The following TMEM260 variants were observed in gnomAD, a reference collection of about 807,000 sequenced individuals.
The protein encoded by TMEM260 is protein O-mannosyl-transferase TMEM260.
A neutral mutation model predicts 88.9 loss-of-function variants in TMEM260; 82 were observed. The observed-to-expected ratio is 0.92, with a 90% CI of 0.77 to 1.11. The LOEUF (loss-of-function observed/expected upper bound fraction) is 1.11. TMEM260 is among the 50% of genes least tolerant of loss of function. The probability of loss-of-function intolerance (pLI) is 0.00; values close to 1 mark genes in which losing one functional copy is unlikely to be tolerated. For synonymous variants in TMEM260, 314 were observed against 309.3 expected (o/e 1.02, Z -0.16); for missense variants, 902 against 853.4 (o/e 1.06, Z -0.71).
intron 5 of TMEM260, among the ~76,000 whole-genome samples, 162 bp downstream of exon 5, chr14:56,605,845 C>T (rs568262674): frequency 6.6e-6 from 1 of 152,192 alleles, no homozygotes; most frequent in African/African-American, 2.4e-5. Context: ...ATAGGATTTA[C>T]AAAAATTATG....
intron 15 of TMEM260, among the ~76,000 whole-genome samples, chr14:56,641,216 G>C (rs1270181281): frequency 6.7e-6 from 1 of 149,308 alleles, no homozygotes; most frequent in Non-Finnish European, 1.5e-5. Flanking sequence ...ATGATTGTCA[G>C]ATTCACCAAA....
chr14:56,634,838 G>A lies in TMEM260; in HGVS notation c.1725-61G>A, dbSNP rs1888905884. The A allele has an allele frequency of 4.0e-5, 56 of 1,416,820 alleles. 2 individuals are homozygous for A. In the South Asian group the frequency reaches 6.4e-4, roughly 16 times the overall value. 87.8% of individuals were successfully genotyped at this position (1,416,820 alleles called of 1,614,324 possible). A position where few individuals can be genotyped will look rare whatever the true frequency, so the allele number is the denominator to read the frequency against. On this transcript the variant is annotated intron_variant, in intron 13 of 15. Transcript: ENST00000261556. The stretch of plus-strand genomic sequence containing the variant: ...GCCTGGGCAGCAAGAGCAAAATTCT[G>A]TCTCAAAAAAAAAAAAAAAGTGGGT...
chr14:56,591,089 A>T (rs1330613590), intron 3 of TMEM260, among the ~76,000 whole-genome samples: 1 of 152,264 alleles, frequency 6.6e-6, no homozygotes, highest in African/African-American at 2.4e-5. Flanking sequence ...ATGTCAGATT[A>T]TGAAAAGTTT....
chr14:56,661,713 T>A, the TMEM260 span, among the ~76,000 whole-genome samples: 1 of 152,234 alleles, frequency 6.6e-6, no homozygotes, highest in African/African-American at 2.4e-5. Flanking sequence ...TCCCCTCTTG[T>A]CATAGAGGAA....
chr14:56,589,131 T>C (rs1885694883), intron 3 of TMEM260, among the ~76,000 whole-genome samples: 1 of 152,116 alleles, frequency 6.6e-6, no homozygotes, highest in Admixed American at 6.5e-5. Flanking sequence ...AACATCTATA[T>C]TCTCATCCTT....
chr14:56,656,020 G>T, the TMEM260 span, among the ~76,000 whole-genome samples: 1 of 152,170 alleles, frequency 6.6e-6, no homozygotes, highest in Non-Finnish European at 1.5e-5. Context: ...GTTCTTTCCA[G>T]AAGATAGGAT....
chr14:56,663,081 A>T, the TMEM260 span, among the ~76,000 whole-genome samples: 1 of 152,154 alleles, frequency 6.6e-6, no homozygotes, highest in Non-Finnish European at 1.5e-5. This position sits in a 1 kb window ranked among gnomAD's most constrained non-coding sequence, Gnocchi z 4.1. Context: ...GTGAGCCAAG[A>T]TCGCGCTGTT....
In TMEM260 at chr14:56,630,904, C is replaced by T. The variant is rs115356850; in HGVS notation, c.1548-2091C>T. Among the ~76,000 whole-genome samples, 1,082 of 152,222 alleles carry T rather than the reference C, an allele frequency of 7.1e-3. 15 individuals are homozygous for T. The highest frequency in any genetic ancestry group is 0.025 in the African/African-American group (1,020 of 41,550). On this transcript the variant is annotated intron_variant, in intron 12 of 15. Transcript: ENST00000261556. ...CTTCTGTGAACTGTGGTTGCAATAC[C>T]GGTTCTGTTTCCAAAGCATTTGCAG...
At chr14:56,616,131 C>A (rs1887580307) in intron 8 of TMEM260, 104 bp downstream of exon 8, 2 of 756,622 alleles carry the variant, frequency 2.6e-6, no homozygotes, top group East Asian at 2.6e-5. Flanking sequence ...TTTTATACTC[C>A]AAATAAATGA....
At chr14:56,586,311 A>G (rs1458763073) in intron 3 of TMEM260, among the ~76,000 whole-genome samples, 3 of 152,172 alleles carry the variant, frequency 2.0e-5, no homozygotes, top group Non-Finnish European at 4.4e-5. Flanking sequence ...ATACCTAATT[A>G]TATTGTATTC....
rs1467301602 is a variant in TMEM260 at position 56,593,727 on chromosome 14, G to A, written c.344+7815G>A. Among the ~76,000 whole-genome samples the A allele has an allele frequency of 7.1e-5, 8 of 113,288 alleles. No homozygotes were observed. In the South Asian group the frequency reaches 1.7e-3, roughly 23 times the overall value. 74.3% of individuals were successfully genotyped at this position (113,288 alleles called of 152,430 possible). A position where few individuals can be genotyped will look rare whatever the true frequency, so the allele number is the denominator to read the frequency against. On this transcript the variant is annotated intron_variant, in intron 3 of 15. Transcript: ENST00000261556. ...TTTTGAGACTGAGTCTCGGTCTGTC[G>A]CCCAGGCTGGAGTGCAGTGGCGGAA...
At chr14:56,596,419 T>TACAC (rs1235686396) in intron 3 of TMEM260, among the ~76,000 whole-genome samples, 1 of 131,356 alleles carries the variant, frequency 7.6e-6, no homozygotes, top group African/African-American at 3.0e-5. Context: ...TATATATATA[T>TACAC]ATATATACAT....
At chr14:56,646,812 C>T (rs1396595118) in intron 15 of TMEM260, among the ~76,000 whole-genome samples, 1 of 149,904 alleles carries the variant, frequency 6.7e-6, no homozygotes, top group Non-Finnish European at 1.5e-5. Context: ...AATTTAAATT[C>T]CTTCAAGTTC....
rs117239346 is a variant in TMEM260 at position 56,644,751 on chromosome 14, C to T, written c.1870-2492C>T. ...TGGGAGAAAATTTTTGCAACTTACT[C>T]GACAAAGGGCTAATATCCAGAATCT... On this transcript the variant is annotated intron_variant, in intron 15 of 15. Coordinates refer to ENST00000261556, the MANE Select transcript of TMEM260 (RefSeq NM_017799.4). 6.6e-3 allele frequency among the ~76,000 whole-genome samples: 1,007 copies of T among 151,442 alleles called. 2 individuals carry two copies. Among genetic ancestry groups the T allele is most frequent in the Non-Finnish European group, 0.011 (746 of 67,604 alleles).
Position 56,649,475 on chromosome 14 carries a change from A to G in TMEM260, c.*1978A>G, listed in dbSNP as rs1412033125. 1 of 146,076 alleles carries G rather than the reference A, an allele frequency of 6.8e-6. No individual in the cohort carries two copies. The highest frequency in any genetic ancestry group is 2.6e-5 in the African/African-American group (1 of 37,930). The allele number at this position is 146,076 out of a possible 1,614,324, so 9.0% of individuals were successfully genotyped here. Reference sequence around the variant, plus strand: ...AAGATTATGATATTCTCTTTTCTTTAAAAAAAAAAGTACAATAAAATTCAA... The same window carrying G: ...AAGATTATGATATTCTCTTTTCTTTGAAAAAAAAAGTACAATAAAATTCAA... On this transcript the variant is annotated 3_prime_UTR_variant, in exon 16 of 16. Coordinates refer to ENST00000261556, the MANE Select transcript of TMEM260 (RefSeq NM_017799.4).
At chr14:56,659,680 G>A in the TMEM260 span, among the ~76,000 whole-genome samples, 1 of 152,322 alleles carries the variant, frequency 6.6e-6, no homozygotes, top group South Asian at 2.1e-4. Context: ...TCCAGTCCGG[G>A]TTTCTCTCTT....
rs1290908348 is a variant in TMEM260 at position 56,618,741 on chromosome 14, T to C, written c.1204T>C (p.Tyr402His). The C allele has an allele frequency of 1.2e-6, 2 of 1,614,042 alleles. No individual in the cohort carries two copies. The highest frequency in any genetic ancestry group is 1.7e-5 in the Admixed American group (1 of 59,992). ...EWLSATLFVV[Y>H]QIYSNYSVCD... The stretch of plus-strand genomic sequence containing the variant: ...GCTTTCTGCAACTCTTTTTGTAGTT[T>C]ACCAAATATATTCTAATTACAGGTA... Residue 402 changes from tyrosine to histidine, a missense_variant, in exon 10 of 16, where the codon TAC (tyrosine) becomes CAC (histidine). Coordinates refer to ENST00000261556, the MANE Select transcript of TMEM260 (RefSeq NM_017799.4).
At chr14:56,659,407 G>C in the TMEM260 span, among the ~76,000 whole-genome samples, 1 of 152,072 alleles carries the variant, frequency 6.6e-6, no homozygotes, top group Non-Finnish European at 1.5e-5. Context: ...AATGATCAAA[G>C]AGACACAATC....
intron 3 of TMEM260, among the ~76,000 whole-genome samples, chr14:56,599,536 A>G (rs1886441292): frequency 6.6e-6 from 1 of 152,178 alleles, no homozygotes; most frequent in South Asian, 2.1e-4. Context: ...ACTAGTTTGT[A>G]TATGTTACAT....
Sources: gnomAD v4.1 joint callset for allele counts (sites outside exome capture counted in the v4.1 genomes callset) on GRCh38, gnomAD v4.1.1 for gene constraint, Gnocchi (gnomAD v3.1) non-coding constraint, MANE v1.5 for transcripts, NCBI Gene and HGNC (gene_info 2026-07-23, HGNC 2026-07-21) for gene names.